MKLN1: variants seen among roughly 807,000 people sequenced by gnomAD.
MKLN1 encodes the protein muskelin 1.
MKLN1 carries 18 observed loss-of-function variants against 99.0 expected under a neutral mutation model. The observed-to-expected ratio is 0.18, with a 90% CI of 0.13 to 0.27. The LOEUF (loss-of-function observed/expected upper bound fraction) is 0.27. Among genes scored for constraint, MKLN1 ranks in the 10% least tolerant of loss-of-function variants. The pLI, the probability that MKLN1 is intolerant of heterozygous loss-of-function variation, is 1.00. For missense variants in MKLN1, 621 were observed against 875.9 expected (o/e 0.71, Z 3.67); for synonymous variants, 288 against 293.2 (o/e 0.98, Z 0.18).
chr7:131,320,330 A>G (rs1272430568), intron 3 of MKLN1, among the ~76,000 whole-genome samples: 1 of 152,266 alleles, frequency 6.6e-6, no homozygotes, highest in African/African-American at 2.4e-5. Context: ...CAATGGGGAA[A>G]GAATTCCCTA....
chr7:131,271,789 G>C (rs1319892690), intron 3 of MKLN1, among the ~76,000 whole-genome samples: 1 of 151,838 alleles, frequency 6.6e-6, no homozygotes, highest in East Asian at 1.9e-4. Flanking sequence ...CGCACCTGCT[G>C]TTCCAGCTAC....
chr7:131,234,736 TC>T (rs1797291269), intron 3 of MKLN1, among the ~76,000 whole-genome samples: 1 of 152,166 alleles, frequency 6.6e-6, no homozygotes, highest in African/African-American at 2.4e-5. Context: ...TCCCTGGAGA[TC>T]CAAGGAACTT....
chr7:131,378,856 GCACA>G (rs199600859), intron 2 of MKLN1, among the ~76,000 whole-genome samples: 34 of 150,652 alleles, frequency 2.3e-4, no homozygotes, highest in African/African-American at 7.3e-4. Context: ...ACGCACGTGT[GCACA>G]CACACGCACG....
intron 3 of MKLN1, among the ~76,000 whole-genome samples, chr7:131,279,699 G>A (rs4731778): frequency 0.11 from 17,318 of 152,102 alleles, 1,032 homozygotes; most frequent in African/African-American, 0.15. Flanking sequence ...CCAGCTACTC[G>A]GGAGGTGGAG....
At chr7:131,274,713 C>T (rs1308656241) in intron 3 of MKLN1, among the ~76,000 whole-genome samples, 1 of 151,052 alleles carries the variant, frequency 6.6e-6, no homozygotes, top group Admixed American at 6.6e-5. Context: ...GTCTTGGTGT[C>T]ACTCAAAGAC....
At chr7:131,286,555 G>C (rs1798135227) in intron 3 of MKLN1, among the ~76,000 whole-genome samples, 1 of 152,134 alleles carries the variant, frequency 6.6e-6, no homozygotes, top group South Asian at 2.1e-4. Flanking sequence ...TTATCTCTGA[G>C]AGGCAAGTCA....
At chr7:131,260,071 G>A (rs1416596106) in intron 3 of MKLN1, among the ~76,000 whole-genome samples, 2 of 151,266 alleles carry the variant, frequency 1.3e-5, no homozygotes, top group Middle Eastern at 3.4e-3. Context: ...TAAGAGACGG[G>A]GTCTTACTGT....
chr7:131,319,786 C>T (rs1178286135), intron 3 of MKLN1, among the ~76,000 whole-genome samples: 1 of 152,094 alleles, frequency 6.6e-6, no homozygotes, highest in East Asian at 1.9e-4. Flanking sequence ...GTACACCAAT[C>T]ATAGAGAACA....
At chr7:131,342,055 G>T (rs1036730790) in intron 1 of MKLN1, among the ~76,000 whole-genome samples, 2 of 152,016 alleles carry the variant, frequency 1.3e-5, no homozygotes, top group Non-Finnish European at 2.9e-5. Context: ...AGTTTTTTGT[G>T]GACATGGTTT....
chr7:131,343,279 C>A (rs1258323380), intron 1 of MKLN1, among the ~76,000 whole-genome samples: 1 of 152,158 alleles, frequency 6.6e-6, no homozygotes, highest in Non-Finnish European at 1.5e-5. Flanking sequence ...CAGAAAGATA[C>A]TTGGAGGTAG....
At chr7:131,396,805 C>G (rs923680860) in intron 4 of MKLN1, among the ~76,000 whole-genome samples, 3 of 152,028 alleles carry the variant, frequency 2.0e-5, no homozygotes, top group African/African-American at 7.2e-5. Flanking sequence ...TGCAACTTTT[C>G]TCCTTTTAAT....
intron 3 of MKLN1, among the ~76,000 whole-genome samples, chr7:131,217,464 G>A (rs549576430): frequency 2.2e-4 from 33 of 152,346 alleles, no homozygotes; most frequent in African/African-American, 7.0e-4. Context: ...TTGGGAGGCT[G>A]AGGCAGGCAG....
intron 3 of MKLN1, among the ~76,000 whole-genome samples, chr7:131,295,397 A>G (rs1297855125): frequency 1.3e-5 from 2 of 152,190 alleles, no homozygotes; most frequent in Non-Finnish European, 2.9e-5. Context: ...AAACCTTTAT[A>G]TGGTAAGAAT....
chr7:131,177,476 A>G (rs1379879610), intron 2 of MKLN1, among the ~76,000 whole-genome samples: 1 of 151,264 alleles, frequency 6.6e-6, no homozygotes. Context: ...CTCAAAAAAA[A>G]AAAAAAAAAG....
intron 12 of MKLN1, among the ~76,000 whole-genome samples, chr7:131,452,126 G>T (rs1432302287): frequency 6.6e-6 from 1 of 152,156 alleles, no homozygotes; most frequent in Non-Finnish European, 1.5e-5. Context: ...CATTATAGCA[G>T]ATTGGTACCA....
chr7:131,142,141 C>T (rs962280548), intron 1 of MKLN1, among the ~76,000 whole-genome samples: 3 of 151,970 alleles, frequency 2.0e-5, no homozygotes, highest in Admixed American at 2.0e-4. Context: ...GGCACGGTGG[C>T]TCACGCCTGT....
Position 131,490,851 on chromosome 7 carries a change from T to C in MKLN1, c.*3123T>C, listed in dbSNP as rs960799399. 1.2e-4 allele frequency: 19 copies of C among 152,592 alleles called. No homozygotes were observed. The highest frequency in any genetic ancestry group is 3.4e-4 in the African/African-American group (14 of 41,446). The allele number at this position is 152,592 out of a possible 1,614,324, so 9.5% of individuals were successfully genotyped here. A position where few individuals can be genotyped will look rare whatever the true frequency, so the allele number is the denominator to read the frequency against. ...CTTAAAAGTGCTATGTAGAGATACA[T>C]TAACAGAGTTATAATAAAACAGTGT... On this transcript the variant is annotated 3_prime_UTR_variant, in exon 18 of 18. Coordinates refer to ENST00000352689, the MANE Select transcript of MKLN1 (RefSeq NM_013255.5).
intron 15 of MKLN1, among the ~76,000 whole-genome samples, chr7:131,467,118 G>T (rs976087473): frequency 2.0e-5 from 3 of 152,166 alleles, no homozygotes; most frequent in African/African-American, 7.2e-5. Context: ...TTGGGAGGCA[G>T]AAGTAAGAGG....
intron 3 of MKLN1, among the ~76,000 whole-genome samples, chr7:131,303,545 C>T (rs773373582): frequency 1.2e-4 from 18 of 152,250 alleles, no homozygotes; most frequent in East Asian, 7.7e-4. Flanking sequence ...GAGTTAATAC[C>T]GGAACCATGA....
Sources: allele counts gnomAD v4.1 joint callset (sites outside exome capture counted in the v4.1 genomes callset), GRCh38; gene constraint gnomAD v4.1.1; transcripts MANE v1.5; gene names NCBI Gene and HGNC (gene_info 2026-07-23, HGNC 2026-07-21).